Variants in PRKCE observed in about 807,000 individuals in gnomAD.
PRKCE encodes protein kinase C epsilon.
Under a neutral mutation model 85.4 loss-of-function variants are expected in PRKCE, and 16 were observed. The ratio of observed to expected loss-of-function variants is 0.19; its 90% CI spans 0.13 to 0.28. The LOEUF is 0.28. Ranked by LOEUF, PRKCE falls within the 10% of genes least tolerant of loss-of-function variation. The probability of loss-of-function intolerance (pLI) is 1.00; values close to 1 mark genes in which losing one functional copy is unlikely to be tolerated. For missense variants in PRKCE, 573 were observed against 975.2 expected (o/e 0.59, Z 5.49); for synonymous variants, 388 against 371.5 (o/e 1.04, Z -0.51).
intron 10 of PRKCE, among the ~76,000 whole-genome samples, chr2:46,026,699 A>G (rs1707137799): frequency 6.6e-6 from 1 of 152,182 alleles, no homozygotes; most frequent in Non-Finnish European, 1.5e-5. Context: ...TTTATAAGAG[A>G]GTAAATGAGA....
At chr2:45,850,748 G>A (rs937110466) in intron 2 of PRKCE, among the ~76,000 whole-genome samples, 2 of 152,192 alleles carry the variant, frequency 1.3e-5, no homozygotes, top group Middle Eastern at 3.4e-3. Context: ...TAAACCTTTG[G>A]TGTGAGCTCA....
At chr2:46,007,824 G>C (rs1051357102) in intron 9 of PRKCE, among the ~76,000 whole-genome samples, 163 bp downstream of exon 9, 1 of 152,172 alleles carries the variant, frequency 6.6e-6, no homozygotes. Flanking sequence ...AGATAGGAGC[G>C]CTGGTTCTGC....
rs186629716 is a variant in PRKCE, at chr2:45,672,465, G to A, written c.348+20017G>A. ...ATCCATCCAGCCAGCCAGCCAGCCAGCTGGACAGCCAGGCAGCCAGACAGC... is the reference window on the plus strand; with the variant it reads ...ATCCATCCAGCCAGCCAGCCAGCCAACTGGACAGCCAGGCAGCCAGACAGC... On this transcript the variant is annotated intron_variant, in intron 1 of 14. Coordinates refer to ENST00000306156, the MANE Select transcript of PRKCE (RefSeq NM_005400.3). Among the ~76,000 whole-genome samples, 75 of 152,286 alleles carry A rather than the reference G, an allele frequency of 4.9e-4. 2 individuals are homozygous for A. The highest frequency in any genetic ancestry group is 3.3e-3 in the Admixed American group (50 of 15,294).
intron 2 of PRKCE, among the ~76,000 whole-genome samples, chr2:45,873,880 T>C (rs1047163694): frequency 7.9e-5 from 12 of 152,270 alleles, no homozygotes; most frequent in Non-Finnish European, 1.8e-4. Context: ...GAGTCTCTTG[T>C]CTTGGCATTT....
intron 2 of PRKCE, among the ~76,000 whole-genome samples, chr2:45,862,287 T>A (rs974389829): frequency 6.6e-6 from 1 of 152,084 alleles, no homozygotes; most frequent in Non-Finnish European, 1.5e-5. Context: ...TTACCAGGAC[T>A]ACTTCCATTT....
intron 2 of PRKCE, among the ~76,000 whole-genome samples, chr2:45,884,696 G>T (rs1332041096): frequency 6.6e-6 from 1 of 151,970 alleles, no homozygotes; most frequent in East Asian, 1.9e-4. Context: ...TGGCCTGTGG[G>T]CTCTTAAAGT....
chr2:45,692,635 G>C (rs1677823272), intron 1 of PRKCE, among the ~76,000 whole-genome samples: 1 of 151,910 alleles, frequency 6.6e-6, no homozygotes, highest in South Asian at 2.1e-4. Context: ...ATTCAGTGAG[G>C]GAGACTGATG....
intron 2 of PRKCE, among the ~76,000 whole-genome samples, chr2:45,970,839 A>G (rs1702060103): frequency 6.6e-6 from 1 of 150,384 alleles, no homozygotes; most frequent in Non-Finnish European, 1.5e-5. Flanking sequence ...GCAAAACTAT[A>G]TATGTATATA....
intron 2 of PRKCE, among the ~76,000 whole-genome samples, chr2:45,947,226 CAT>C (rs1200236449): frequency 2.6e-5 from 4 of 152,190 alleles, no homozygotes; most frequent in Admixed American, 1.3e-4. Flanking sequence ...CAAAAGACCA[CAT>C]ATTGTATGAT....
At chr2:45,725,197 A>G (rs1211457028) in intron 1 of PRKCE, among the ~76,000 whole-genome samples, 1 of 152,230 alleles carries the variant, frequency 6.6e-6, no homozygotes, top group East Asian at 1.9e-4. Flanking sequence ...TGTCAATGGA[A>G]TAACAAAGCC....
intron 1 of PRKCE, among the ~76,000 whole-genome samples, chr2:45,836,662 G>A (rs1690903758): frequency 6.6e-6 from 1 of 152,124 alleles, no homozygotes; most frequent in South Asian, 2.1e-4. Context: ...TGGGCAGTGG[G>A]CCCCCTGCTT....
chr2:46,151,250 C>A, intron 13 of PRKCE, 21 bp downstream of exon 13: 1 of 1,582,810 alleles, frequency 6.3e-7, no homozygotes, highest in East Asian at 2.2e-5. Flanking sequence ...GCCCCTCACC[C>A]ATGGCTGTGC....
intron 1 of PRKCE, among the ~76,000 whole-genome samples, chr2:45,795,456 C>A (rs930343284): frequency 1.1e-4 from 17 of 151,960 alleles, no homozygotes; most frequent in African/African-American, 4.1e-4. Context: ...TTACAGGTGC[C>A]CACCACCACG....
At chr2:45,670,527 C>A (rs189549841) in intron 1 of PRKCE, among the ~76,000 whole-genome samples, 2 of 152,104 alleles carry the variant, frequency 1.3e-5, no homozygotes, top group East Asian at 1.9e-4. Flanking sequence ...TATGTGAGTA[C>A]GTATGATCTT....
intron 2 of PRKCE, among the ~76,000 whole-genome samples, chr2:45,953,669 C>G (rs1700780725): frequency 6.6e-6 from 1 of 152,232 alleles, no homozygotes; most frequent in Non-Finnish European, 1.5e-5. Flanking sequence ...CTTGCTGTCA[C>G]TGCTTTAAAC....
chr2:45,667,644 T>C (rs1675977805), intron 1 of PRKCE, among the ~76,000 whole-genome samples: 1 of 152,316 alleles, frequency 6.6e-6, no homozygotes, highest in Middle Eastern at 3.4e-3. Context: ...ATTTTTATCT[T>C]TTACTTCAGC....
chr2:45,940,498 G>A (rs186217694), intron 2 of PRKCE, among the ~76,000 whole-genome samples: 160 of 152,254 alleles, frequency 1.1e-3, no homozygotes, highest in African/African-American at 3.5e-3. Context: ...ATTTGGAGAC[G>A]TCTGGCTTAG....
chr2:45,744,079 C>T (rs1037846134), intron 1 of PRKCE, among the ~76,000 whole-genome samples: 1 of 151,690 alleles, frequency 6.6e-6, no homozygotes, highest in African/African-American at 2.4e-5. Flanking sequence ...AAATCCTGGA[C>T]CACCACAAGC....
intron 1 of PRKCE, among the ~76,000 whole-genome samples, chr2:45,802,990 T>C (rs1687985409): frequency 6.6e-6 from 1 of 152,222 alleles, no homozygotes; most frequent in Admixed American, 6.5e-5. Flanking sequence ...ACAAGCAACT[T>C]AGATTGGAGC....
Sources: gnomAD v4.1 joint callset for allele counts (sites outside exome capture counted in the v4.1 genomes callset) on GRCh38, gnomAD v4.1.1 for gene constraint, MANE v1.5 for transcripts, NCBI Gene and HGNC (gene_info 2026-07-23, HGNC 2026-07-21) for gene names.